Variants in AK5 observed in about 807,000 individuals in gnomAD.
AK5 encodes adenylate kinase 5.
A neutral mutation model predicts 69.5 loss-of-function variants in AK5; 27 were observed. That is an observed-to-expected ratio of 0.39 (90% CI 0.29 to 0.54). The LOEUF (loss-of-function observed/expected upper bound fraction) is 0.54. AK5 is among the 20% of genes least tolerant of loss of function. AK5 has a pLI of 0.71. For missense variants in AK5, 531 were observed against 700.4 expected (o/e 0.76, Z 2.73); for synonymous variants, 260 against 244.4 (o/e 1.06, Z -0.60).
intron 8 of AK5, among the ~76,000 whole-genome samples, chr1:77,444,403 TA>T (rs1652591116): frequency 1.4e-5 from 1 of 72,708 alleles, no homozygotes; most frequent in African/African-American, 5.6e-5. Context: ...AGTATAAATA[TA>T]TACTATATAT....
intron 6 of AK5, among the ~76,000 whole-genome samples, chr1:77,368,245 A>T (rs1449438262): frequency 1.5e-5 from 1 of 67,906 alleles, no homozygotes; most frequent in South Asian, 5.5e-4. Context: ...ATATATATAT[A>T]TATATATAAT....
At chr1:77,550,218 T>G (rs1316549353) in intron 13 of AK5, among the ~76,000 whole-genome samples, 4 of 152,202 alleles carry the variant, frequency 2.6e-5, no homozygotes, top group Non-Finnish European at 5.9e-5. Context: ...ATGGGCAGTT[T>G]ACAGGCGTGA....
intron 5 of AK5, among the ~76,000 whole-genome samples, chr1:77,316,996 A>T (rs1420383225): frequency 2.6e-5 from 4 of 152,220 alleles, no homozygotes; most frequent in African/African-American, 9.6e-5. Context: ...GGCTTAAAAC[A>T]ACAATATTTA....
intron 5 of AK5, among the ~76,000 whole-genome samples, chr1:77,336,362 G>A (rs1661361840): frequency 6.6e-6 from 1 of 152,144 alleles, no homozygotes; most frequent in South Asian, 2.1e-4. Context: ...TTACAGGCAT[G>A]AGCCACTGTA....
At position 77,297,855 on chromosome 1, in the gene AK5, A is replaced by G; in HGVS notation, c.607A>G (p.Lys203Glu). 6.2e-7 allele frequency: 1 copy of G among 1,612,678 alleles called. No individual in the cohort carries two copies. Among genetic ancestry groups the G allele is most frequent in the Non-Finnish European group, 8.5e-7 (1 of 1,179,622 alleles). Reference protein sequence around the residue: ...APQETTITEIKQKLMQIPDEE... With the variant: ...APQETTITEIEQKLMQIPDEE... ...AAAGGAAACAACAATTACAGAGATA[A>G]AACAAAAATTGATGCAAATACCTGA... The change falls in exon 5 of 14, where the codon AAA becomes GAA. Residue 203 changes from lysine to glutamate, a missense_variant. By Grantham distance (56) the Lys-to-Glu change is moderately conservative. Coordinates refer to ENST00000354567, the MANE Select transcript of AK5 (RefSeq NM_174858.3).
chr1:77,542,014 G>A (rs1209998723), intron 13 of AK5, among the ~76,000 whole-genome samples: 3 of 152,112 alleles, frequency 2.0e-5, no homozygotes, highest in East Asian at 1.9e-4. Flanking sequence ...AGCAGTCAAC[G>A]TGACAAAGCC....
chr1:77,480,839 T>G (rs1419541108), intron 8 of AK5, among the ~76,000 whole-genome samples: 1 of 152,210 alleles, frequency 6.6e-6, no homozygotes, highest in Non-Finnish European at 1.5e-5. Context: ...GGTCCCTGTC[T>G]TGAGCAGTAA....
Position 77,336,239 on chromosome 1 carries a change from G to A in AK5, c.700-4138G>A, listed in dbSNP as rs201144880. Among the ~76,000 whole-genome samples, 17 of 152,002 alleles carry A rather than the reference G, an allele frequency of 1.1e-4. No individual in the cohort carries two copies. The East Asian group carries it at 2.3e-3, about 21-fold the overall frequency. The stretch of plus-strand genomic sequence containing the variant: ...TGGGACTACAGGCATGCGCCACCAC[G>A]CCCAGCTACTTTTTGTATTTTTAGT... On this transcript the variant is annotated intron_variant, in intron 5 of 13. Transcript: ENST00000354567.
intron 6 of AK5, among the ~76,000 whole-genome samples, chr1:77,398,958 C>G (rs547118250): frequency 6.6e-6 from 1 of 152,070 alleles, no homozygotes; most frequent in South Asian, 2.1e-4. Flanking sequence ...CTATTAATCA[C>G]CCTATTTTCT....
At chr1:77,417,932 T>G in intron 8 of AK5, 1 of 413,076 alleles carries the variant, frequency 2.4e-6, no homozygotes, top group African/African-American at 2.1e-5. Context: ...CACAGTGAAT[T>G]AAAGAAAGGT....
chr1:77,557,670 A>G (rs1346480403), intron 13 of AK5, among the ~76,000 whole-genome samples: 2 of 151,720 alleles, frequency 1.3e-5, no homozygotes, highest in African/African-American at 4.8e-5. Context: ...CTCATCCCTC[A>G]ATCTCTCCCC....
intron 7 of AK5, among the ~76,000 whole-genome samples, chr1:77,412,943 C>T (rs372990897): frequency 6.6e-6 from 1 of 152,138 alleles, no homozygotes; most frequent in African/African-American, 2.4e-5. Flanking sequence ...AGTCACCAAA[C>T]GCTTTGTCAT....
At chr1:77,289,398 T>C (rs1658550493) in intron 2 of AK5, among the ~76,000 whole-genome samples, 1 of 152,198 alleles carries the variant, frequency 6.6e-6, no homozygotes, top group Non-Finnish European at 1.5e-5. Flanking sequence ...GGTGTCGTCA[T>C]ACTTAATGTC....
intron 8 of AK5, among the ~76,000 whole-genome samples, chr1:77,470,836 TATATATATATATATATATA>T (rs1654416716): frequency 8.7e-4 from 1 of 1,154 alleles, no homozygotes; most frequent in Non-Finnish European, 2.7e-3. Flanking sequence ...AATATATATA[TATATATATATATATATATA>T]TATATATATA....
intron 12 of AK5, among the ~76,000 whole-genome samples, chr1:77,526,123 A>G (rs1658266704): frequency 6.6e-6 from 1 of 152,204 alleles, no homozygotes; most frequent in South Asian, 2.1e-4. Context: ...TAGGCTGTGG[A>G]TAAGTCCCTA....
intron 6 of AK5, among the ~76,000 whole-genome samples, chr1:77,356,872 C>T (rs1251800457): frequency 6.6e-6 from 1 of 152,172 alleles, no homozygotes; most frequent in Admixed American, 6.6e-5. Context: ...CCCACAGCTC[C>T]TATGAAATGA....
rs1426409116 is a variant in AK5, at chr1:77,526,145, T to C, written c.1428+4202T>C. ...TGGATAAGTCCCTAGGGATACATTCTAAGTAACTGAGGAACAGGAGTATTT... is the reference window on the plus strand; with the variant it reads ...TGGATAAGTCCCTAGGGATACATTCCAAGTAACTGAGGAACAGGAGTATTT... On this transcript the variant is annotated intron_variant, in intron 12 of 13. Transcript: ENST00000354567. 4.6e-5 allele frequency among the ~76,000 whole-genome samples: 7 copies of C among 152,194 alleles called. No individual in the cohort carries two copies. In the East Asian group the frequency reaches 1.3e-3, roughly 29 times the overall value.
rs2100295054 is a variant in AK5 at position 77,512,826 on chromosome 1, A to G, written c.1148-5738A>G. Among the ~76,000 whole-genome samples, 4 of 152,322 alleles carry G rather than the reference A, an allele frequency of 2.6e-5. No individual in the cohort carries two copies. In the East Asian group the frequency reaches 7.7e-4, roughly 29 times the overall value. ...TGGCACATATACACCATGGAATACTATGCAGCCATAAAAAATGATGAGTTC... is the reference window on the plus strand; with the variant it reads ...TGGCACATATACACCATGGAATACTGTGCAGCCATAAAAAATGATGAGTTC... On this transcript the variant is annotated intron_variant, in intron 10 of 13. Transcript: ENST00000354567.
Position 77,535,885 on chromosome 1 carries a change from G to T in AK5, c.1467G>T (p.Ser489=), listed in dbSNP as rs151295675. Residue 489 remains serine, a synonymous_variant, in exon 13 of 14, where the codon TCG becomes TCT. Coordinates refer to ENST00000354567, the MANE Select transcript of AK5 (RefSeq NM_174858.3). ...AGTTGGTGATCTGTATGGACTGCTC[G>T]GCAGACACCATGACCAACCGCCTTC... ...DPQLVICMDC[S]ADTMTNRLLQ... is the part of the protein sequence containing the mutation. 143 of 1,613,772 alleles carry T rather than the reference G, an allele frequency of 8.9e-5. No individual in the cohort carries two copies. In the Admixed American group the frequency reaches 1.1e-3, roughly 12 times the overall value.
Sources: gnomAD v4.1 joint callset for allele counts (sites outside exome capture counted in the v4.1 genomes callset) on GRCh38, gnomAD v4.1.1 for gene constraint, MANE v1.5 for transcripts, NCBI Gene and HGNC (gene_info 2026-07-23, HGNC 2026-07-21) for gene names.